The following RSU1 variants were observed in gnomAD, a reference collection of about 807,000 sequenced individuals.
RSU1 encodes rsu-1.
Under a neutral mutation model 31.1 loss-of-function variants are expected in RSU1, and 26 were observed. The observed-to-expected ratio is 0.84, with a 90% CI of 0.61 to 1.16. The LOEUF is 1.16. RSU1 is among the 50% of genes most tolerant of loss of function. The pLI, the probability that RSU1 is intolerant of heterozygous loss-of-function variation, is 0.00. For missense variants in RSU1, 320 were observed against 339.1 expected (o/e 0.94, Z 0.44); for synonymous variants, 164 against 136.3 (o/e 1.20, Z -1.41).
At chr10:16,601,503 T>A (rs1281399306) in intron 8 of RSU1, among the ~76,000 whole-genome samples, 1 of 152,328 alleles carries the variant, frequency 6.6e-6, no homozygotes, top group Admixed American at 6.5e-5. Flanking sequence ...CCACTCCTTT[T>A]TTCTTCTTTA....
intron 7 of RSU1, among the ~76,000 whole-genome samples, chr10:16,738,468 A>T (rs1005505219): frequency 6.6e-6 from 1 of 152,110 alleles, no homozygotes; most frequent in Non-Finnish European, 1.5e-5. Context: ...AAGAAGAAAA[A>T]CTGAAAATCA....
chr10:16,808,335 T>G (rs544231706), intron 2 of RSU1, among the ~76,000 whole-genome samples: 1 of 151,710 alleles, frequency 6.6e-6, no homozygotes, highest in Non-Finnish European at 1.5e-5. Context: ...ATTAAAAAAA[T>G]TCGCCAGGCG....
rs149363862 is a variant in RSU1, at chr10:16,625,212, C to T, written c.732-31716G>A. On this transcript the variant is annotated intron_variant, in intron 8 of 8. Transcript: ENST00000345264. ...AAGGAAGCCTTCTCTTGTCCTGCTC[C>T]TGAGAGGAAGTGAGCCAGACTGGAC... Among the ~76,000 whole-genome samples, 3 of 152,256 alleles carry T rather than the reference C, an allele frequency of 2.0e-5. No homozygotes were observed. The East Asian group carries it at 5.8e-4, about 29-fold the overall frequency.
intron 7 of RSU1, among the ~76,000 whole-genome samples, chr10:16,710,469 T>C (rs1486448649): frequency 6.6e-6 from 1 of 152,122 alleles, no homozygotes; most frequent in East Asian, 1.9e-4. Context: ...GTAGTTTTGC[T>C]GTTGTTGTTG....
At chr10:16,760,121 C>CA (rs759226370) in intron 4 of RSU1, among the ~76,000 whole-genome samples, 61 of 151,958 alleles carry the variant, frequency 4.0e-4, no homozygotes, top group Non-Finnish European at 6.6e-4. Context: ...TAATTAAATA[C>CA]AAAAAGCTTT....
intron 8 of RSU1, among the ~76,000 whole-genome samples, chr10:16,621,755 C>A (rs924346261): frequency 6.6e-6 from 1 of 152,156 alleles, no homozygotes; most frequent in Non-Finnish European, 1.5e-5. Context: ...TGGGAAAAAC[C>A]TGCCACCCAT....
rs920752569 is a variant in RSU1 at position 16,717,414 on chromosome 10, T to G, written c.599-22259A>C. Among the ~76,000 whole-genome samples, 6 of 152,210 alleles carry G rather than the reference T, an allele frequency of 3.9e-5. No individual in the cohort carries two copies. In the South Asian group the frequency reaches 1.2e-3, roughly 32 times the overall value. ...TGCTAAAAATAAACCAATCCAATAG[T>G]TTTTAGGTTATATATTAACAATGCA... On this transcript the variant is annotated intron_variant, in intron 7 of 8. Transcript: ENST00000345264.
At chr10:16,714,739 C>G (rs1564329010) in intron 7 of RSU1, among the ~76,000 whole-genome samples, 1 of 151,986 alleles carries the variant, frequency 6.6e-6, no homozygotes, top group East Asian at 1.9e-4. Context: ...AGCTAGGCCT[C>G]CAGGATGAAA....
intron 7 of RSU1, among the ~76,000 whole-genome samples, chr10:16,734,232 C>T (rs983003237): frequency 2.0e-5 from 3 of 152,254 alleles, no homozygotes; most frequent in Admixed American, 1.3e-4. Context: ...ATGTGACCAT[C>T]TACCACTACA....
At chr10:16,694,769 G>A (rs774145860) in intron 8 of RSU1, among the ~76,000 whole-genome samples, 24 of 152,052 alleles carry the variant, frequency 1.6e-4, no homozygotes, top group African/African-American at 2.4e-4. Flanking sequence ...TAGAGACGGG[G>A]TCTTGCTATG....
rs1225631423 is a variant in RSU1 at position 16,646,030 on chromosome 10, ATGTG to A, written c.731+48989_731+48992del. ...TGTATATACATATATGTGTATATAT[ATGTG>A]TATATACATATATGTGTATATATAT... On this transcript the variant is annotated intron_variant, in intron 8 of 8. Transcript: ENST00000345264. Among the ~76,000 whole-genome samples the A allele has an allele frequency of 2.8e-4, 21 of 75,978 alleles. 7 individuals are homozygous for A. Among genetic ancestry groups the A allele is most frequent in the African/African-American group, 8.3e-4 (14 of 16,956 alleles). 49.8% of individuals were successfully genotyped at this position (75,978 alleles called of 152,430 possible).
At chr10:16,698,308 T>C (rs1835722680) in intron 7 of RSU1, among the ~76,000 whole-genome samples, 2 of 152,090 alleles carry the variant, frequency 1.3e-5, no homozygotes, top group Admixed American at 1.3e-4. Flanking sequence ...AGGTATGTTA[T>C]GAGTAAAGCT....
chr10:16,647,277 T>G (rs1479590492), intron 8 of RSU1, among the ~76,000 whole-genome samples: 1 of 152,164 alleles, frequency 6.6e-6, no homozygotes, highest in Non-Finnish European at 1.5e-5. Context: ...CAGCCCGTAC[T>G]GGAACTTTCA....
intron 8 of RSU1, among the ~76,000 whole-genome samples, chr10:16,665,282 T>C (rs1473771217): frequency 6.6e-6 from 1 of 152,126 alleles, no homozygotes; most frequent in Non-Finnish European, 1.5e-5. Context: ...TCTCATACAC[T>C]CTTTCCTAAC....
chr10:16,630,830 C>T (rs1834233971), intron 8 of RSU1, among the ~76,000 whole-genome samples: 1 of 152,200 alleles, frequency 6.6e-6, no homozygotes, highest in Non-Finnish European at 1.5e-5. Context: ...ATGTCATCTC[C>T]AATTTAATCA....
chr10:16,810,975 T>G (rs11254215), intron 2 of RSU1, among the ~76,000 whole-genome samples: 3,985 of 150,060 alleles, frequency 0.027, 59 homozygotes, highest in Non-Finnish European at 0.038. Context: ...TGAGGCAAGA[T>G]CATGCCACTG....
chr10:16,611,870 C>T (rs541022118), intron 8 of RSU1, among the ~76,000 whole-genome samples: 2 of 152,270 alleles, frequency 1.3e-5, no homozygotes, highest in East Asian at 3.9e-4. Flanking sequence ...TGTTCAGCAC[C>T]TGTGTGAAAG....
chr10:16,740,250 T>C (rs1018831756), intron 7 of RSU1, among the ~76,000 whole-genome samples: 6 of 151,930 alleles, frequency 3.9e-5, no homozygotes, highest in Admixed American at 1.3e-4. Flanking sequence ...AAAAGGAAGA[T>C]ACAAAAAATA....
intron 8 of RSU1, among the ~76,000 whole-genome samples, chr10:16,684,980 G>A (rs1408014101): frequency 6.6e-6 from 1 of 152,132 alleles, no homozygotes; most frequent in Non-Finnish European, 1.5e-5. Flanking sequence ...GGGTATGGTG[G>A]CTCATGCTTG....
Sources: allele counts gnomAD v4.1 joint callset (sites outside exome capture counted in the v4.1 genomes callset), GRCh38; gene constraint gnomAD v4.1.1; transcripts MANE v1.5; gene names NCBI Gene and HGNC (gene_info 2026-07-23, HGNC 2026-07-21).